LYPD6B: variants seen among roughly 807,000 people sequenced by gnomAD.
LYPD6B encodes LY6/PLAUR domain containing 6B.
In LYPD6B, 17 loss-of-function variants were observed where a neutral mutation model predicts 22.8. That is an observed-to-expected ratio of 0.75 (90% CI 0.51 to 1.12). LYPD6B has a LOEUF of 1.12. Ranked by LOEUF, LYPD6B falls within the 50% of genes most tolerant of loss-of-function variation. The probability of loss-of-function intolerance (pLI) is 0.00; values close to 1 mark genes in which losing one functional copy is unlikely to be tolerated. For synonymous variants in LYPD6B, 106 were observed against 91.6 expected (o/e 1.16, Z -0.90); for missense variants, 221 against 258.3 (o/e 0.86, Z 0.99).
intron 1 of LYPD6B, among the ~76,000 whole-genome samples, chr2:149,089,920 G>A (rs114355838): frequency 8.2e-4 from 125 of 152,322 alleles, no homozygotes; most frequent in African/African-American, 2.9e-3. Context: ...GCAGCCAAAT[G>A]TTTATTTTTC....
chr2:149,041,264 C>G (rs904224174), intron 1 of LYPD6B, among the ~76,000 whole-genome samples: 10 of 152,172 alleles, frequency 6.6e-5, no homozygotes, highest in African/African-American at 1.9e-4. Flanking sequence ...GGCCACAGCT[C>G]TTTGGTGGCT....
chr2:149,049,386 C>T (rs962220390), intron 1 of LYPD6B, among the ~76,000 whole-genome samples: 4 of 152,176 alleles, frequency 2.6e-5, no homozygotes, highest in South Asian at 2.1e-4. Context: ...CTCTCATACA[C>T]GTGACACTTT....
intron 2 of LYPD6B, among the ~76,000 whole-genome samples, chr2:149,143,102 A>T (rs1445349407): frequency 2.0e-5 from 3 of 152,122 alleles, no homozygotes; most frequent in African/African-American, 7.2e-5. Flanking sequence ...AATCATTCAG[A>T]TTTCCTTAGT....
chr2:149,149,420 A>G (rs1283196267), intron 2 of LYPD6B, among the ~76,000 whole-genome samples: 1 of 80,750 alleles, frequency 1.2e-5, no homozygotes, highest in Non-Finnish European at 3.3e-5. Flanking sequence ...CAAATCCTAC[A>G]CACACACACA....
rs181955941 is a variant in LYPD6B, at chr2:149,151,785, C to T, written c.6-8979C>T. Among the ~76,000 whole-genome samples, 7 of 152,242 alleles carry T rather than the reference C, an allele frequency of 4.6e-5. No homozygotes were observed. In the East Asian group the frequency reaches 5.8e-4, roughly 13 times the overall value. ...GATGTACATCCCAGCTTGGTTTCTG[C>T]GGTGCTGTGTAAATGATCATCTGAA... On this transcript the variant is annotated intron_variant, in intron 2 of 6. Coordinates refer to ENST00000409642, the MANE Select transcript of LYPD6B (RefSeq NM_177964.5).
intron 1 of LYPD6B, among the ~76,000 whole-genome samples, chr2:149,049,633 G>A (rs753266648): frequency 4.0e-4 from 61 of 152,128 alleles, no homozygotes; most frequent in Middle Eastern, 3.2e-3. Flanking sequence ...AGTTTTATGC[G>A]CTAGATACTA....
At chr2:149,053,699 C>G (rs1683665809) in intron 1 of LYPD6B, among the ~76,000 whole-genome samples, 1 of 152,172 alleles carries the variant, frequency 6.6e-6, no homozygotes, top group Admixed American at 6.6e-5. Flanking sequence ...TTTTATCACT[C>G]CAAAAAGAAA....
chr2:149,069,690 C>T (rs1684509583), intron 1 of LYPD6B, among the ~76,000 whole-genome samples: 1 of 152,132 alleles, frequency 6.6e-6, no homozygotes, highest in African/African-American at 2.4e-5. Flanking sequence ...TTCCTGTCTC[C>T]TATAACTCTG....
intron 2 of LYPD6B, among the ~76,000 whole-genome samples, chr2:149,151,115 G>T (rs1335614591): frequency 1.3e-5 from 2 of 152,120 alleles, no homozygotes; most frequent in East Asian, 3.9e-4. Context: ...CACGTGGGAG[G>T]TTTGCCTCCA....
At chr2:149,052,182 G>A (rs1027143500) in intron 1 of LYPD6B, among the ~76,000 whole-genome samples, 5 of 151,778 alleles carry the variant, frequency 3.3e-5, no homozygotes, top group Admixed American at 1.3e-4. Context: ...TCAGCCTCCC[G>A]AGTAGCTGGA....
intron 5 of LYPD6B, among the ~76,000 whole-genome samples, chr2:149,212,736 C>G (rs983194229): frequency 6.6e-6 from 1 of 152,166 alleles, no homozygotes; most frequent in Non-Finnish European, 1.5e-5. Context: ...TTTTCCTCAG[C>G]TCTAACTGAA....
At chr2:149,089,379 T>C (rs1685543611) in intron 1 of LYPD6B, among the ~76,000 whole-genome samples, 1 of 152,186 alleles carries the variant, frequency 6.6e-6, no homozygotes, top group African/African-American at 2.4e-5. Flanking sequence ...TGGGATTAGC[T>C]GGGTCTGCAG....
intron 2 of LYPD6B, among the ~76,000 whole-genome samples, chr2:149,145,982 G>C (rs977235216): frequency 6.6e-6 from 1 of 152,170 alleles, no homozygotes. Context: ...AACTGGAGAA[G>C]ATAAGGTGTG....
At chr2:149,188,307 G>T (rs766092264) in intron 3 of LYPD6B, among the ~76,000 whole-genome samples, 2 of 152,170 alleles carry the variant, frequency 1.3e-5, no homozygotes, top group African/African-American at 4.8e-5. Flanking sequence ...TGGAGGCCTT[G>T]TTTTTTCACT....
intron 3 of LYPD6B, among the ~76,000 whole-genome samples, chr2:149,183,075 G>T (rs1258082562): frequency 1.3e-5 from 2 of 152,172 alleles, no homozygotes; most frequent in Non-Finnish European, 2.9e-5. Context: ...CAGGCATTCT[G>T]GGTACCACTT....
At chr2:149,105,787 T>G (rs1319350675) in intron 1 of LYPD6B, among the ~76,000 whole-genome samples, 1 of 152,150 alleles carries the variant, frequency 6.6e-6, no homozygotes, top group Non-Finnish European at 1.5e-5. Flanking sequence ...GGCTTTTGTT[T>G]CTTTGTCTTG....
At chr2:149,198,065 C>CA (rs1253404925) in intron 3 of LYPD6B, among the ~76,000 whole-genome samples, 1 of 149,608 alleles carries the variant, frequency 6.7e-6, no homozygotes, top group Non-Finnish European at 1.5e-5. Context: ...TTTTGTGAGA[C>CA]AGAGTCTCGC....
At chr2:149,071,901 GT>G (rs1684621105) in intron 1 of LYPD6B, among the ~76,000 whole-genome samples, 1 of 152,124 alleles carries the variant, frequency 6.6e-6, no homozygotes, top group Non-Finnish European at 1.5e-5. Context: ...TGTTTTGCTG[GT>G]AACATTCCTT....
intron 1 of LYPD6B, among the ~76,000 whole-genome samples, chr2:149,130,388 CTTTA>C (rs1216371167): frequency 6.6e-6 from 1 of 152,136 alleles, no homozygotes; most frequent in Non-Finnish European, 1.5e-5. Context: ...CATAATGAGT[CTTTA>C]TTTAGGCACA....
Sources: allele counts gnomAD v4.1 joint callset (sites outside exome capture counted in the v4.1 genomes callset), GRCh38; gene constraint gnomAD v4.1.1; transcripts MANE v1.5; gene names NCBI Gene and HGNC (gene_info 2026-07-23, HGNC 2026-07-21).